SCHIP1: variants seen among roughly 807,000 people sequenced by gnomAD.
SCHIP1 encodes the protein schwannomin interacting protein 1.
In SCHIP1, 8 loss-of-function variants were observed where a neutral mutation model predicts 29.7. The ratio of observed to expected loss-of-function variants is 0.27; its 90% CI spans 0.16 to 0.49. SCHIP1 has a LOEUF of 0.49. SCHIP1 is among the 20% of genes least tolerant of loss of function. The pLI is 0.99. For synonymous variants in SCHIP1, 76 were observed against 94.9 expected (o/e 0.80, Z 1.16); for missense variants, 193 against 294.6 (o/e 0.66, Z 2.52).
At chr3:159,438,190 T>C in the SCHIP1 span, among the ~76,000 whole-genome samples, 1 of 152,108 alleles carries the variant, frequency 6.6e-6, no homozygotes, top group African/African-American at 2.4e-5. Context: ...AAAACATAAA[T>C]GCAGATCTGT....
At chr3:159,502,358 G>A in the SCHIP1 span, among the ~76,000 whole-genome samples, 4 of 152,166 alleles carry the variant, frequency 2.6e-5, no homozygotes, top group Non-Finnish European at 4.4e-5. Flanking sequence ...ACATAGATGG[G>A]CTAATGGGTG....
chr3:159,727,466 A>G, the SCHIP1 span, among the ~76,000 whole-genome samples: 4 of 152,188 alleles, frequency 2.6e-5, no homozygotes. Context: ...TTGTCAAATG[A>G]CTGAATAAAT....
chr3:159,511,759 A>T, the SCHIP1 span, among the ~76,000 whole-genome samples: 1 of 152,362 alleles, frequency 6.6e-6, no homozygotes, highest in South Asian at 2.1e-4. Context: ...AGAAGAAAGG[A>T]TATTCTAATA....
the SCHIP1 span, among the ~76,000 whole-genome samples, chr3:159,630,334 A>G: frequency 3.5e-4 from 54 of 152,266 alleles, no homozygotes; most frequent in African/African-American, 1.2e-3. Flanking sequence ...AAAAGTGACT[A>G]GAAACAAAAG....
the SCHIP1 span, among the ~76,000 whole-genome samples, chr3:159,365,317 C>T: frequency 3.3e-5 from 5 of 152,004 alleles, no homozygotes; most frequent in South Asian, 2.1e-4. Context: ...GATATTGCTT[C>T]GTTATGGAGT....
chr3:159,554,766 T>C, the SCHIP1 span, among the ~76,000 whole-genome samples: 1 of 152,014 alleles, frequency 6.6e-6, no homozygotes, highest in African/African-American at 2.4e-5. Context: ...GTTGCTCATC[T>C]CTGGGCTGCC....
the SCHIP1 span, among the ~76,000 whole-genome samples, chr3:159,743,353 C>G: frequency 6.6e-6 from 1 of 152,180 alleles, no homozygotes; most frequent in East Asian, 1.9e-4. Flanking sequence ...AACAGTACAA[C>G]AAACTGTGGT....
chr3:159,658,461 C>A, the SCHIP1 span, among the ~76,000 whole-genome samples: 1 of 152,152 alleles, frequency 6.6e-6, no homozygotes, highest in Non-Finnish European at 1.5e-5. Context: ...AGTTCGAGAA[C>A]CTGAGAAAAA....
the SCHIP1 span, among the ~76,000 whole-genome samples, chr3:159,321,710 A>G: frequency 6.6e-6 from 1 of 152,134 alleles, no homozygotes; most frequent in Non-Finnish European, 1.5e-5. Context: ...GATTATTTGT[A>G]TTGGCTTTTA....
chr3:159,384,471 G>A, the SCHIP1 span, among the ~76,000 whole-genome samples: 1 of 141,652 alleles, frequency 7.1e-6, no homozygotes, highest in Admixed American at 7.2e-5. Flanking sequence ...ACTTGATCAT[G>A]GTGGATAAGC....
At chr3:159,512,428 A>G in the SCHIP1 span, among the ~76,000 whole-genome samples, 3 of 152,338 alleles carry the variant, frequency 2.0e-5, no homozygotes, top group East Asian at 5.8e-4. Flanking sequence ...TAGCCCAGCA[A>G]TTTGGTCACT....
At chr3:159,547,912 C>T in the SCHIP1 span, among the ~76,000 whole-genome samples, 1 of 152,172 alleles carries the variant, frequency 6.6e-6, no homozygotes, top group East Asian at 1.9e-4. Flanking sequence ...TTAACAAATG[C>T]TTCTCATTTA....
At chr3:159,785,142 C>T in the SCHIP1 span, among the ~76,000 whole-genome samples, 4 of 152,128 alleles carry the variant, frequency 2.6e-5, no homozygotes, top group Admixed American at 6.5e-5. Flanking sequence ...ATGAACTAGA[C>T]GAGGATTTCA....
At chr3:159,893,089 G>T (rs564076892) in intron 6 of SCHIP1, 1 of 152,288 alleles carries the variant, frequency 6.6e-6, no homozygotes, top group Admixed American at 6.5e-5. Context: ...TGATAATAAT[G>T]CTCCCAGCAC....
chr3:159,740,377 G>C, the SCHIP1 span, among the ~76,000 whole-genome samples: 1 of 152,168 alleles, frequency 6.6e-6, no homozygotes. Flanking sequence ...CCTGAGAGGA[G>C]AGTTGGGGAG....
chr3:159,691,459 T>C, the SCHIP1 span, among the ~76,000 whole-genome samples: 1 of 150,036 alleles, frequency 6.7e-6, no homozygotes, highest in Admixed American at 6.6e-5. Flanking sequence ...TTGGTAAATA[T>C]TCCTCCATCC....
upstream of SCHIP1, among the ~76,000 whole-genome samples, chr3:159,839,666 A>G (rs1405358797): frequency 9.8e-6 from 1 of 101,650 alleles, no homozygotes. Flanking sequence ...TTTGATAAGC[A>G]CCAGCCAAGC....
chr3:159,656,753 C>T, the SCHIP1 span, among the ~76,000 whole-genome samples: 9 of 152,140 alleles, frequency 5.9e-5, no homozygotes, highest in African/African-American at 2.2e-4. Context: ...CTAGTTTCAG[C>T]AGCTCATTCA....
chr3:159,757,873 T>C, the SCHIP1 span, among the ~76,000 whole-genome samples: 16 of 152,232 alleles, frequency 1.1e-4, no homozygotes, highest in Non-Finnish European at 2.2e-4. Context: ...TCCAGAATTA[T>C]GTCAAGACAT....
Sources: gnomAD v4.1 joint callset for allele counts (sites outside exome capture counted in the v4.1 genomes callset) on GRCh38, gnomAD v4.1.1 for gene constraint, MANE v1.5 for transcripts, NCBI Gene and HGNC (gene_info 2026-07-23, HGNC 2026-07-21) for gene names.